Variants in CCNY observed in about 807,000 individuals in gnomAD.
The protein encoded by CCNY is cyclin-Y.
CCNY carries 19 observed loss-of-function variants against 42.8 expected under a neutral mutation model. The observed-to-expected ratio is 0.44, with a 90% CI of 0.31 to 0.65. CCNY has a LOEUF of 0.65. CCNY is among the 30% of genes least tolerant of loss of function. The probability of loss-of-function intolerance (pLI) is 0.07; values close to 1 mark genes in which losing one functional copy is unlikely to be tolerated. For synonymous variants in CCNY, 165 were observed against 162.7 expected, an observed-to-expected ratio of 1.01 and a Z score of -0.11; for missense variants, 370 against 437.3, an observed-to-expected ratio of 0.85 and a Z score of 1.37.
chr10:35,308,396 G>A (rs544991387), intron 3 of CCNY, among the ~76,000 whole-genome samples: 3 of 152,078 alleles, frequency 2.0e-5, no homozygotes, highest in Admixed American at 2.0e-4. Flanking sequence ...CAACTAAAAA[G>A]TAAAAAACAG....
At chr10:35,559,907 A>C (rs1341994815) in intron 8 of CCNY, among the ~76,000 whole-genome samples, 1 of 152,218 alleles carries the variant, frequency 6.6e-6, no homozygotes, top group Admixed American at 6.5e-5. Context: ...GCATCAGCAG[A>C]GAGGACTTAA....
chr10:35,374,506 A>G (rs576507122), intron 1 of CCNY, among the ~76,000 whole-genome samples: 30 of 152,336 alleles, frequency 2.0e-4, no homozygotes, highest in Middle Eastern at 6.8e-3. Context: ...GTGCTGTAAA[A>G]TGTGTCTTAT....
intron 3 of CCNY, among the ~76,000 whole-genome samples, chr10:35,258,985 G>T (rs900961231): frequency 5.3e-5 from 8 of 151,154 alleles, no homozygotes; most frequent in African/African-American, 1.9e-4. Flanking sequence ...GTGGGGAAAG[G>T]TGGTGAGGAA....
chr10:35,273,574 G>A (rs951582163), intron 3 of CCNY, among the ~76,000 whole-genome samples: 5 of 152,070 alleles, frequency 3.3e-5, no homozygotes, highest in African/African-American at 7.2e-5. Context: ...TCCAATCTAG[G>A]ATGGGCTTGC....
chr10:35,529,938 A>T, intron 5 of CCNY, 35 bp from the exon 6 acceptor site: 1 of 1,557,812 alleles, frequency 6.4e-7, no homozygotes, highest in Non-Finnish European at 8.8e-7. Flanking sequence ...TTCTTGCAGA[A>T]AGTAAGTTTC....
intron 1 of CCNY, among the ~76,000 whole-genome samples, chr10:35,357,926 T>A (rs555832017): frequency 8.5e-5 from 13 of 152,282 alleles, no homozygotes; most frequent in Non-Finnish European, 1.6e-4. Flanking sequence ...ATCTATTATT[T>A]TTTTTTTGTT....
At chr10:35,293,251 G>A (rs534656799) in intron 3 of CCNY, among the ~76,000 whole-genome samples, 4 of 152,248 alleles carry the variant, frequency 2.6e-5, no homozygotes, top group Non-Finnish European at 5.9e-5. Flanking sequence ...CCCCCATTGA[G>A]TTGTCTTGAC....
At chr10:35,449,261 C>G (rs1838861200) in intron 1 of CCNY, among the ~76,000 whole-genome samples, 1 of 62,348 alleles carries the variant, frequency 1.6e-5, no homozygotes, top group African/African-American at 6.4e-5. Flanking sequence ...TGAGAAGGAG[C>G]TGAGGAGGGG....
At chr10:35,439,423 C>T (rs566308078) in intron 1 of CCNY, among the ~76,000 whole-genome samples, 14 of 152,178 alleles carry the variant, frequency 9.2e-5, no homozygotes, top group African/African-American at 3.4e-4. Flanking sequence ...CTTTTTACTT[C>T]TGTTGTTATA....
intron 3 of CCNY, among the ~76,000 whole-genome samples, chr10:35,330,414 G>A (rs1222064885): frequency 2.0e-5 from 3 of 152,142 alleles, no homozygotes; most frequent in Non-Finnish European, 4.4e-5. Flanking sequence ...TTCTCCTATA[G>A]GGAGCCAAGT....
At chr10:35,519,793 T>C (rs1840509690) in intron 4 of CCNY, among the ~76,000 whole-genome samples, 1 of 139,596 alleles carries the variant, frequency 7.2e-6, no homozygotes, top group South Asian at 2.4e-4. Context: ...TTTTTTTTTT[T>C]TTTTTTTTGA....
chr10:35,323,919 C>A (rs1213046055), intron 3 of CCNY, among the ~76,000 whole-genome samples: 4 of 151,676 alleles, frequency 2.6e-5, no homozygotes, highest in African/African-American at 9.7e-5. Flanking sequence ...ACTCAGGAGG[C>A]TGATATAGGA....
chr10:35,274,150 A>G (rs1309924650), intron 3 of CCNY, among the ~76,000 whole-genome samples: 1 of 152,202 alleles, frequency 6.6e-6, no homozygotes, highest in Non-Finnish European at 1.5e-5. Flanking sequence ...TCATGGCAGA[A>G]GGCAAAGGAG....
At chr10:35,270,393 T>C (rs1183582577) in intron 3 of CCNY, among the ~76,000 whole-genome samples, 2 of 151,980 alleles carry the variant, frequency 1.3e-5, no homozygotes, top group East Asian at 3.9e-4. Flanking sequence ...AATAGAAAAA[T>C]AGAAGAAAGG....
At chr10:35,292,446 C>T (rs1175922335) in intron 3 of CCNY, among the ~76,000 whole-genome samples, 2 of 152,164 alleles carry the variant, frequency 1.3e-5, no homozygotes, top group Non-Finnish European at 2.9e-5. Flanking sequence ...TCACTGCAAC[C>T]TGCACCTCCT....
chr10:35,493,178 C>T (rs1014929738), intron 2 of CCNY, among the ~76,000 whole-genome samples: 10 of 152,252 alleles, frequency 6.6e-5, no homozygotes, highest in Admixed American at 2.6e-4. Flanking sequence ...TCATTTAGAC[C>T]CAGAATGTCA....
At chr10:35,288,116 T>C (rs1280560604) in intron 3 of CCNY, among the ~76,000 whole-genome samples, 1 of 152,204 alleles carries the variant, frequency 6.6e-6, no homozygotes, top group Non-Finnish European at 1.5e-5. Flanking sequence ...TTGTAACTTA[T>C]TACTGGTATA....
intron 1 of CCNY, among the ~76,000 whole-genome samples, chr10:35,446,867 G>A (rs1408658481): frequency 6.6e-6 from 1 of 152,198 alleles, no homozygotes; most frequent in Non-Finnish European, 1.5e-5. Context: ...TTTCAAAATT[G>A]CATGTCGAGA....
chr10:35,361,459 G>A (rs959627620), intron 1 of CCNY, among the ~76,000 whole-genome samples: 5 of 151,966 alleles, frequency 3.3e-5, no homozygotes, highest in African/African-American at 4.8e-5. Context: ...TGGTTCTTTA[G>A]GTTTTTTCTT....
Sources: allele counts gnomAD v4.1 joint callset (sites outside exome capture counted in the v4.1 genomes callset), GRCh38; gene constraint gnomAD v4.1.1; transcripts MANE v1.5; gene names NCBI Gene and HGNC (gene_info 2026-07-23, HGNC 2026-07-21).